The following DMD variants were observed in gnomAD, a reference collection of about 807,000 sequenced individuals.
DMD encodes the protein dystrophin, also known as mutant dystrophin.
In DMD, 63 loss-of-function variants were observed where a neutral mutation model predicts 330.1. The ratio of observed to expected loss-of-function variants is 0.19; its 90% CI spans 0.16 to 0.24. DMD has a LOEUF of 0.24. Among genes scored for constraint, DMD ranks in the 10% least tolerant of loss-of-function variants. DMD has a pLI of 1.00. For synonymous variants in DMD, 1,223 were observed against 959.8 expected (o/e 1.27, Z -5.07); for missense variants, 3,344 against 2,684.1 (o/e 1.25, Z -5.43).
chrX:32,571,285 T>A (rs751823494), intron 15 of DMD, among the ~76,000 whole-genome samples: 9 of 112,265 alleles, frequency 8.0e-5, no homozygotes, highest in Non-Finnish European at 1.3e-4. Flanking sequence ...GTAAGGAATA[T>A]TCTGCTTTAA....
At chrX:31,195,896 T>G (rs1487504563) in intron 67 of DMD, among the ~76,000 whole-genome samples, 1 of 111,107 alleles carries the variant, frequency 9.0e-6, no homozygotes, top group Admixed American at 9.6e-5. Flanking sequence ...GATTTGGTCA[T>G]AACAATGAAG....
At chrX:31,828,379 G>A (rs1444346180) in intron 49 of DMD, among the ~76,000 whole-genome samples, 4 of 110,845 alleles carry the variant, frequency 3.6e-5, no homozygotes, top group Admixed American at 9.6e-5. Flanking sequence ...AACCCTGAAC[G>A]CTTTGGCTGG....
At chrX:31,889,734 C>T (rs747340173) in intron 47 of DMD, among the ~76,000 whole-genome samples, 2 of 107,177 alleles carry the variant, frequency 1.9e-5, no homozygotes, top group East Asian at 5.9e-4. Context: ...TTCTCCCTCT[C>T]TCCCTCCCTC....
intron 2 of DMD, among the ~76,000 whole-genome samples, chrX:32,879,859 C>T (rs773782940): frequency 3.0e-4 from 33 of 111,424 alleles, no homozygotes; most frequent in Middle Eastern, 4.6e-3. Flanking sequence ...TTCAGAAAGA[C>T]AGAACAATGC....
chrX:32,715,469 C>CAAAA lies in DMD; in HGVS notation c.650-16180_650-16177dup, dbSNP rs61325834. ...ATCAGCCTGGTGACAGAGATTCCAT[C>CAAAA]AAAAAAAAAAAAAAAAAAAAAAAAA... is the stretch of plus-strand genomic sequence containing the variant. On this transcript the variant is annotated intron_variant, in intron 7 of 78. Coordinates refer to ENST00000357033, the MANE Select transcript of DMD (RefSeq NM_004006.3). Among the ~76,000 whole-genome samples, 39 of 17,224 alleles carry CAAAA rather than the reference C, an allele frequency of 2.3e-3. 4 individuals are homozygous for CAAAA. Among genetic ancestry groups the CAAAA allele is most frequent in the African/African-American group, 5.8e-3 (35 of 6,061 alleles). 15.0% of individuals were successfully genotyped at this position (17,224 alleles called of 115,157 possible). A position where few individuals can be genotyped will look rare whatever the true frequency, so the allele number is the denominator to read the frequency against.
intron 7 of DMD, among the ~76,000 whole-genome samples, chrX:32,735,736 C>A (rs1179940211): frequency 8.9e-6 from 1 of 111,841 alleles, no homozygotes; most frequent in East Asian, 2.8e-4. Context: ...AAACTGGATC[C>A]CTTCCTCACA....
intron 9 of DMD, among the ~76,000 whole-genome samples, chrX:32,672,462 C>T (rs2061691059): frequency 9.0e-6 from 1 of 111,054 alleles, no homozygotes; most frequent in Non-Finnish European, 1.9e-5. Flanking sequence ...CTTTCAAATA[C>T]TACCATAAAA....
intron 7 of DMD, among the ~76,000 whole-genome samples, chrX:32,783,263 CAT>C (rs907629524): frequency 1.8e-4 from 17 of 93,321 alleles, no homozygotes; most frequent in Non-Finnish European, 2.9e-4. Flanking sequence ...CGTATATACA[CAT>C]ATATGGTATA....
intron 7 of DMD, among the ~76,000 whole-genome samples, chrX:32,755,327 C>CA (rs1284880148): frequency 1.8e-5 from 2 of 110,198 alleles, no homozygotes; most frequent in African/African-American, 6.6e-5. Flanking sequence ...AAAAAAAACA[C>CA]AAAAAACGGA....
At chrX:31,776,744 A>G (rs1421635885) in intron 50 of DMD, among the ~76,000 whole-genome samples, 1 of 111,649 alleles carries the variant, frequency 9.0e-6, no homozygotes, top group Non-Finnish European at 1.9e-5. Flanking sequence ...GTCTATTGAA[A>G]AGCAAGGCCA....
At chrX:32,232,910 T>C (rs1402510151) in intron 43 of DMD, among the ~76,000 whole-genome samples, 2 of 112,041 alleles carry the variant, frequency 1.8e-5, no homozygotes, top group East Asian at 5.6e-4. Flanking sequence ...AAATAAAGAA[T>C]AACATGAACA....
At chrX:31,919,194 T>C (rs2094653394) in intron 47 of DMD, among the ~76,000 whole-genome samples, 1 of 111,804 alleles carries the variant, frequency 8.9e-6, no homozygotes, top group Non-Finnish European at 1.9e-5. Context: ...AAGCAACCTC[T>C]AGGAGATAAC....
intron 44 of DMD, among the ~76,000 whole-genome samples, chrX:31,999,271 C>T (rs1281223675): frequency 8.9e-6 from 1 of 111,776 alleles, no homozygotes; most frequent in Non-Finnish European, 1.9e-5. Flanking sequence ...AAGGGTGTTT[C>T]CTTACCTGTA....
chrX:32,681,134 G>A (rs1602932333), intron 9 of DMD, among the ~76,000 whole-genome samples: 1 of 111,663 alleles, frequency 9.0e-6, no homozygotes, highest in Non-Finnish European at 1.9e-5. Flanking sequence ...TTATTTCCAT[G>A]GCTTTAGTAA....
chrX:31,190,154 A>C (rs1405536406), intron 67 of DMD, among the ~76,000 whole-genome samples: 3 of 112,386 alleles, frequency 2.7e-5, no homozygotes, highest in Non-Finnish European at 5.6e-5. Context: ...CGACCAAAAA[A>C]CATCAGAGAA....
chrX:31,615,736 C>T (rs1292666996), intron 55 of DMD, among the ~76,000 whole-genome samples: 1 of 111,825 alleles, frequency 8.9e-6, no homozygotes, highest in Non-Finnish European at 1.9e-5. Context: ...ACCAATATTT[C>T]AAGCATAGTT....
intron 44 of DMD, among the ~76,000 whole-genome samples, chrX:32,015,117 T>G (rs1043373212): frequency 8.9e-6 from 1 of 111,735 alleles, no homozygotes; most frequent in Admixed American, 9.5e-5. Context: ...GGGTCCTGCC[T>G]CCATAGATTC....
chrX:32,614,392 T>A lies in DMD; in HGVS notation c.1393A>T (p.Thr465Ser). The A allele has an allele frequency of 8.3e-7, 1 of 1,207,884 alleles. No individual in the cohort carries two copies. Among genetic ancestry groups the A allele is most frequent in the Non-Finnish European group, 1.1e-6 (1 of 892,699 alleles). ...TTCCTTGTTCTTTCTTCTGTTTTTG[T>A]TAGCCAGTCATTCAACTCTTTCAGT... Reference protein sequence around the residue: ...QKLKELNDWLTKTEERTRKME... With the variant: ...QKLKELNDWLSKTEERTRKME... The change falls in exon 12 of 79, where the codon ACA becomes TCA. Residue 465 changes from threonine (T) to serine (S), a missense_variant. Coordinates refer to ENST00000357033, the MANE Select transcript of DMD (RefSeq NM_004006.3).
intron 52 of DMD, among the ~76,000 whole-genome samples, chrX:31,712,872 G>A (rs73459806): frequency 0.018 from 1,977 of 110,986 alleles, 57 homozygotes; most frequent in African/African-American, 0.061. Context: ...GCTCCATATC[G>A]AGACATTAAA....
Sources: gnomAD v4.1 joint callset for allele counts (sites outside exome capture counted in the v4.1 genomes callset) on GRCh38, gnomAD v4.1.1 for gene constraint, MANE v1.5 for transcripts, NCBI Gene and HGNC (gene_info 2026-07-23, HGNC 2026-07-21) for gene names.